Variants in FAM168A observed in about 807,000 individuals in gnomAD.
The protein encoded by FAM168A is family with sequence similarity 168 member A, also known as protein FAM168A.
A neutral mutation model predicts 28.5 loss-of-function variants in FAM168A; 3 were observed. The ratio of observed to expected loss-of-function variants is 0.11; its 90% CI spans 0.05 to 0.27. The LOEUF (loss-of-function observed/expected upper bound fraction) is 0.27, where lower values mean the gene tolerates loss of function less well. Ranked by LOEUF, FAM168A falls within the 10% of genes least tolerant of loss-of-function variation. The pLI is 1.00. For missense variants in FAM168A, 222 were observed against 311.5 expected (o/e 0.71, Z 2.16); for synonymous variants, 122 against 124.2 (o/e 0.98, Z 0.12).
rs1295903558 is a variant in FAM168A at position 73,411,524 on chromosome 11, C to T, written c.290G>A (p.Gly97Glu). 21 of 1,613,896 alleles carry T rather than the reference C, an allele frequency of 1.3e-5. No individual in the cohort carries two copies. The highest frequency in any genetic ancestry group is 1.8e-5 in the Non-Finnish European group (21 of 1,179,948). The change falls in exon 5 of 8, where the codon GGG becomes GAG. Residue 97 changes from glycine to glutamate, a missense_variant. Physicochemically the swap from Gly to Glu is moderately conservative, Grantham distance 98 (BLOSUM62 -2). Transcript: ENST00000356467. ...GGTCGGTGGGACCTTGTATGGTGTC[C>T]CCGCAGTATATCCTGTACCAAGGCA... ...ASSAAFRYTA[G>E]TPYKVPPTQS...
At chr11:73,586,928 T>C (rs1944319315) in intron 1 of FAM168A, among the ~76,000 whole-genome samples, 1 of 152,172 alleles carries the variant, frequency 6.6e-6, no homozygotes, top group Non-Finnish European at 1.5e-5. Flanking sequence ...TGTTCAACTC[T>C]AAAGTTTTTT....
At chr11:73,457,393 T>TA (rs1023456348) in intron 2 of FAM168A, among the ~76,000 whole-genome samples, 122 of 141,362 alleles carry the variant, frequency 8.6e-4, no homozygotes, top group African/African-American at 1.1e-3. Context: ...CCATCTCGTT[T>TA]AAAAAAAAAA....
intron 1 of FAM168A, among the ~76,000 whole-genome samples, chr11:73,595,321 A>G (rs1944430617): frequency 6.6e-6 from 1 of 152,222 alleles, no homozygotes; most frequent in Admixed American, 6.5e-5. Context: ...GATAAGTCCA[A>G]CGTTCCATCA....
intron 1 of FAM168A, among the ~76,000 whole-genome samples, chr11:73,572,910 T>C (rs1474205415): frequency 6.6e-6 from 1 of 152,158 alleles, no homozygotes; most frequent in Non-Finnish European, 1.5e-5. Flanking sequence ...TTAAACACAC[T>C]GAAAATTTAG....
chr11:73,562,887 T>C (rs1943975423), intron 1 of FAM168A, among the ~76,000 whole-genome samples: 1 of 152,094 alleles, frequency 6.6e-6, no homozygotes, highest in Admixed American at 6.6e-5. Flanking sequence ...GAGCAAAACG[T>C]ACCCTGAGTA....
At chr11:73,548,303 GAAGT>G (rs771054468) in intron 1 of FAM168A, among the ~76,000 whole-genome samples, 3 of 148,984 alleles carry the variant, frequency 2.0e-5, no homozygotes, top group Non-Finnish European at 4.4e-5. Context: ...TATGAAATAG[GAAGT>G]AAGATGATAA....
At chr11:73,582,240 G>C (rs1944256841) in intron 1 of FAM168A, among the ~76,000 whole-genome samples, 1 of 150,890 alleles carries the variant, frequency 6.6e-6, no homozygotes, top group Non-Finnish European at 1.5e-5. Context: ...GCCTGCCAGA[G>C]GCCGGGCACC....
intron 2 of FAM168A, among the ~76,000 whole-genome samples, chr11:73,447,467 C>T (rs890913845): frequency 2.0e-5 from 3 of 150,710 alleles, no homozygotes; most frequent in South Asian, 4.2e-4. Flanking sequence ...GTGGGAGGAT[C>T]ACTTGAACCC....
intron 1 of FAM168A, among the ~76,000 whole-genome samples, chr11:73,478,215 G>C (rs906521770): frequency 2.0e-5 from 3 of 152,092 alleles, no homozygotes; most frequent in African/African-American, 7.2e-5. Context: ...AAATTAAGAT[G>C]CATATTTAAT....
intron 1 of FAM168A, among the ~76,000 whole-genome samples, chr11:73,521,048 TA>T (rs1943368452): frequency 6.6e-6 from 1 of 152,186 alleles, no homozygotes; most frequent in South Asian, 2.1e-4. Flanking sequence ...TTCCAAGTGA[TA>T]AATGAGCTGA....
intron 2 of FAM168A, among the ~76,000 whole-genome samples, chr11:73,457,723 CAAAAA>C (rs58142151): frequency 0.01 from 385 of 37,454 alleles, 1 homozygote; most frequent in African/African-American, 0.018. Flanking sequence ...GCCTGGGTGA[CAAAAA>C]AAAAAAAAAA....
In FAM168A at chr11:73,424,822, G is replaced by A. The variant is rs982107245; in HGVS notation, c.152-4823C>T. ...GATCCTTTGCTGCTGCCCTAGGGAC[G>A]GTTCATGTGTGTCTCCAACCCATGA... On this transcript the variant is annotated intron_variant, in intron 3 of 7. Coordinates refer to ENST00000356467, the MANE Select transcript of FAM168A (RefSeq NM_015159.3). Among the ~76,000 whole-genome samples, 4 of 152,226 alleles carry A rather than the reference G, an allele frequency of 2.6e-5. No homozygotes were observed. The South Asian group carries it at 8.3e-4, about 32-fold the overall frequency.
intron 1 of FAM168A, among the ~76,000 whole-genome samples, chr11:73,596,976 T>C (rs534852367): frequency 1.3e-5 from 2 of 152,228 alleles, no homozygotes; most frequent in African/African-American, 4.8e-5. Context: ...CCGCTATCCT[T>C]TCAATGAAAG....
intron 1 of FAM168A, among the ~76,000 whole-genome samples, chr11:73,538,083 T>C (rs909226843): frequency 2.6e-5 from 4 of 152,148 alleles, no homozygotes; most frequent in Non-Finnish European, 4.4e-5. Flanking sequence ...AAACTATGGC[T>C]CAGAAATTAA....
At chr11:73,597,354 C>T (rs1344662737) in intron 1 of FAM168A, among the ~76,000 whole-genome samples, 2 of 152,034 alleles carry the variant, frequency 1.3e-5, no homozygotes, top group Non-Finnish European at 2.9e-5. Flanking sequence ...TCAACCCATG[C>T]CAAGCCCCTC....
In FAM168A at chr11:73,433,076, C is replaced by CTTTTTTTTTTTTTTTTTTTTTTTTT. The variant is rs34994742; in HGVS notation, c.71-2331_71-2307dup. ...ACAGGTGCGTGCCACCACGCCCCGCCTTTTTTTTTTTTTTTTTTTTTTTTT... is the reference window on the plus strand; with the variant it reads ...ACAGGTGCGTGCCACCACGCCCCGCCTTTTTTTTTTTTTTTTTTTTTTTTTTTTTTTTTTTTTTTTTTTTTTTTTT... On this transcript the variant is annotated intron_variant, in intron 2 of 7. Coordinates refer to ENST00000356467, the MANE Select transcript of FAM168A (RefSeq NM_015159.3). 6.2e-5 allele frequency among the ~76,000 whole-genome samples: 5 copies of CTTTTTTTTTTTTTTTTTTTTTTTTT among 80,602 alleles called. 1 individual carries two copies. The highest frequency in any genetic ancestry group is 3.4e-4 in the African/African-American group (5 of 14,700). The allele number at this position is 80,602 out of a possible 152,430, so 52.9% of individuals were successfully genotyped here.
chr11:73,474,099 C>T (rs899429201), intron 1 of FAM168A, among the ~76,000 whole-genome samples: 1 of 151,996 alleles, frequency 6.6e-6, no homozygotes, highest in African/African-American at 2.4e-5. Context: ...CATGGACCAC[C>T]GTGCCCGGCT....
At chr11:73,538,683 G>C (rs1943613583) in intron 1 of FAM168A, among the ~76,000 whole-genome samples, 1 of 152,214 alleles carries the variant, frequency 6.6e-6, no homozygotes, top group Non-Finnish European at 1.5e-5. Context: ...GCTTGTCAAA[G>C]AGCCTAAAAC....
At chr11:73,489,510 CT>C (rs56910886) in intron 1 of FAM168A, among the ~76,000 whole-genome samples, 160 of 139,840 alleles carry the variant, frequency 1.1e-3, no homozygotes, top group East Asian at 4.9e-3. Context: ...CCATCCCCCA[CT>C]TTTTTTTTTT....
Sources: allele counts gnomAD v4.1 joint callset (sites outside exome capture counted in the v4.1 genomes callset), GRCh38; gene constraint gnomAD v4.1.1; transcripts MANE v1.5; gene names NCBI Gene and HGNC (gene_info 2026-07-23, HGNC 2026-07-21).